The following NKAIN2 variants were observed in gnomAD, a reference collection of about 807,000 sequenced individuals.
The protein encoded by NKAIN2 is sodium/potassium transporting ATPase interacting 2.
A neutral mutation model predicts 32.6 loss-of-function variants in NKAIN2; 14 were observed. The ratio of observed to expected loss-of-function variants is 0.43; its 90% CI spans 0.28 to 0.67. NKAIN2 has a LOEUF of 0.67. NKAIN2 is among the 30% of genes least tolerant of loss of function. NKAIN2 has a pLI of 0.17. For synonymous variants in NKAIN2, 80 were observed against 87.2 expected (o/e 0.92, Z 0.46); for missense variants, 198 against 258.3 (o/e 0.77, Z 1.60).
chr6:123,905,887 A>G (rs1774841927), intron 1 of NKAIN2, among the ~76,000 whole-genome samples: 1 of 152,308 alleles, frequency 6.6e-6, no homozygotes, highest in South Asian at 2.1e-4. Context: ...GACTCTATAT[A>G]AAATATGTAT....
At chr6:124,405,620 TCCTCCCGACTCTG>T (rs532943396) in intron 3 of NKAIN2, among the ~76,000 whole-genome samples, 223 of 151,736 alleles carry the variant, frequency 1.5e-3, no homozygotes, top group Admixed American at 2.8e-3. Flanking sequence ...GCTCAAGTTG[TCCTCCCGACTCTG>T]CCTCCCGAAG....
intron 1 of NKAIN2, among the ~76,000 whole-genome samples, chr6:124,141,439 G>GGT (rs1787133601): frequency 6.6e-6 from 1 of 152,040 alleles, no homozygotes; most frequent in Admixed American, 6.6e-5. Flanking sequence ...AATATGAAGT[G>GGT]TGGGGAAGCT....
intron 1 of NKAIN2, among the ~76,000 whole-genome samples, chr6:123,980,994 C>T (rs926629272): frequency 2.0e-5 from 3 of 151,864 alleles, no homozygotes; most frequent in African/African-American, 4.8e-5. Flanking sequence ...CTCAGCCTCC[C>T]GAGTAGGTAG....
intron 3 of NKAIN2, among the ~76,000 whole-genome samples, chr6:124,657,880 G>A (rs1052076944): frequency 6.6e-6 from 1 of 151,900 alleles, no homozygotes; most frequent in Non-Finnish European, 1.5e-5. Context: ...ACCCTTGAAA[G>A]GTAAAGACTC....
chr6:124,661,919 A>G (rs1363949048), intron 4 of NKAIN2, among the ~76,000 whole-genome samples: 2 of 152,206 alleles, frequency 1.3e-5, no homozygotes, highest in Admixed American at 6.5e-5. Flanking sequence ...TTGGAACAGC[A>G]TGGATTATAA....
At chr6:124,032,848 G>C (rs942947342) in intron 1 of NKAIN2, among the ~76,000 whole-genome samples, 2 of 151,916 alleles carry the variant, frequency 1.3e-5, no homozygotes, top group African/African-American at 4.8e-5. Flanking sequence ...ACCAATGAAG[G>C]CCATATAGGA....
intron 3 of NKAIN2, among the ~76,000 whole-genome samples, chr6:124,467,950 A>G (rs1280327227): frequency 6.6e-6 from 1 of 152,068 alleles, no homozygotes; most frequent in Non-Finnish European, 1.5e-5. Context: ...AGTTTCTTCA[A>G]GTATATGTTT....
At chr6:123,894,869 G>C (rs1318530557) in intron 1 of NKAIN2, among the ~76,000 whole-genome samples, 1 of 152,056 alleles carries the variant, frequency 6.6e-6, no homozygotes, top group Non-Finnish European at 1.5e-5. Context: ...GAATTTGGCT[G>C]TTTTGATACC....
chr6:124,110,497 C>G (rs1785332683), intron 1 of NKAIN2, among the ~76,000 whole-genome samples: 1 of 152,024 alleles, frequency 6.6e-6, no homozygotes, highest in Non-Finnish European at 1.5e-5. Flanking sequence ...ACAGATGACC[C>G]TGTGTGATGA....
At chr6:124,457,463 C>T (rs942082218) in intron 3 of NKAIN2, among the ~76,000 whole-genome samples, 4 of 151,868 alleles carry the variant, frequency 2.6e-5, no homozygotes, top group Non-Finnish European at 5.9e-5. Flanking sequence ...GTGTGTGATA[C>T]AATATTTTCT....
chr6:124,567,511 A>G (rs1294204829), intron 3 of NKAIN2, among the ~76,000 whole-genome samples: 1 of 152,158 alleles, frequency 6.6e-6, no homozygotes, highest in Non-Finnish European at 1.5e-5. Context: ...GAGGGTAGGG[A>G]CCATCTATAT....
chr6:124,533,333 A>G (rs1779595229), intron 3 of NKAIN2, among the ~76,000 whole-genome samples: 1 of 151,824 alleles, frequency 6.6e-6, no homozygotes, highest in East Asian at 1.9e-4. Context: ...TTAGCCGGGC[A>G]TGGTGGTGGG....
At chr6:124,573,182 AG>A (rs544758643) in intron 3 of NKAIN2, among the ~76,000 whole-genome samples, 115 of 152,270 alleles carry the variant, frequency 7.6e-4, no homozygotes, top group African/African-American at 2.7e-3. Flanking sequence ...ATATTGGTTA[AG>A]CCCCTGACAG....
rs1777535910 is a variant in NKAIN2 at position 123,955,588 on chromosome 6, A to ATTTTT, written c.54+151336_54+151340dup. 6.0e-5 allele frequency among the ~76,000 whole-genome samples: 6 copies of ATTTTT among 99,578 alleles called. No homozygotes were observed. In the South Asian group the frequency reaches 2.4e-3, roughly 39 times the overall value. The allele number at this position is 99,578 out of a possible 152,430, so 65.3% of individuals were successfully genotyped here. On this transcript the variant is annotated intron_variant, in intron 1 of 6. Transcript: ENST00000368417. ...ATTTACTGTGGGGCTACATTTAAAC[A>ATTTTT]TTTTTTATTTTATTTTATTTTATTT...
At chr6:124,333,074 A>T (rs530680781) in intron 2 of NKAIN2, among the ~76,000 whole-genome samples, 1 of 152,334 alleles carries the variant, frequency 6.6e-6, no homozygotes, top group African/African-American at 2.4e-5. Context: ...TAATATATTT[A>T]AATGTCTCAG....
chr6:124,726,644 G>A (rs1776330969), intron 4 of NKAIN2, among the ~76,000 whole-genome samples: 1 of 147,996 alleles, frequency 6.8e-6, no homozygotes, highest in African/African-American at 2.5e-5. Flanking sequence ...CTAAAAACCA[G>A]AGCGCCTCTC....
chr6:123,967,931 C>T (rs980059988), intron 1 of NKAIN2, among the ~76,000 whole-genome samples: 3 of 152,110 alleles, frequency 2.0e-5, no homozygotes, highest in Non-Finnish European at 4.4e-5. Context: ...TAAAGTGACG[C>T]TCTAAGGGCT....
At chr6:124,132,473 AACC>A (rs1786528526) in intron 1 of NKAIN2, among the ~76,000 whole-genome samples, 1 of 152,234 alleles carries the variant, frequency 6.6e-6, no homozygotes, top group African/African-American at 2.4e-5. Context: ...CTCTTGAAAG[AACC>A]ACCTCATGGC....
At chr6:124,584,396 A>T (rs2114946831) in intron 3 of NKAIN2, among the ~76,000 whole-genome samples, 1 of 152,324 alleles carries the variant, frequency 6.6e-6, no homozygotes, top group South Asian at 2.1e-4. Flanking sequence ...TTACATTTCT[A>T]ATCCCAACAC....
Sources: allele counts gnomAD v4.1 joint callset (sites outside exome capture counted in the v4.1 genomes callset), GRCh38; gene constraint gnomAD v4.1.1; transcripts MANE v1.5; gene names NCBI Gene and HGNC (gene_info 2026-07-23, HGNC 2026-07-21).